Variants in NELL1 observed in about 807,000 individuals in gnomAD.
NELL1 encodes protein kinase C-binding protein NELL1.
Under a neutral mutation model 107.4 loss-of-function variants are expected in NELL1, and 76 were observed. The observed-to-expected ratio is 0.71, with a 90% CI of 0.59 to 0.86. The LOEUF is 0.86. Ranked by LOEUF, NELL1 falls within the 40% of genes least tolerant of loss-of-function variation. NELL1 has a pLI of 0.00. For synonymous variants in NELL1, 353 were observed against 341.2 expected (o/e 1.03, Z -0.38); for missense variants, 1,024 against 1,005.5 (o/e 1.02, Z -0.25).
At chr11:21,212,241 C>A (rs1857513384) in intron 13 of NELL1, among the ~76,000 whole-genome samples, 1 of 152,018 alleles carries the variant, frequency 6.6e-6, no homozygotes, top group African/African-American at 2.4e-5. Flanking sequence ...ATAGGGATGA[C>A]AATAATACTT....
chr11:21,516,723 TCACA>T (rs922358009), intron 15 of NELL1, among the ~76,000 whole-genome samples: 3 of 145,952 alleles, frequency 2.1e-5, no homozygotes, highest in East Asian at 2.0e-4. Context: ...GGTCTGTCAA[TCACA>T]CACACACACA....
At position 21,248,617 on chromosome 11, in the gene NELL1, A is replaced by ACAGCT. The variant is rs144883654; in HGVS notation, c.1549+19166_1549+19170dup. ...GAAAGTAGGTGGTGAGGAAACAAGG[A>ACAGCT]CAGCTCAAGTGGAGAATAGGACATC... is the stretch of plus-strand genomic sequence containing the variant. On this transcript the variant is annotated intron_variant, in intron 14 of 19. Transcript: ENST00000357134. Among the ~76,000 whole-genome samples the ACAGCT allele has an allele frequency of 5.7e-3, 866 of 152,230 alleles. 13 individuals are homozygous for ACAGCT. The highest frequency in any genetic ancestry group is 0.019 in the African/African-American group (799 of 41,528).
At chr11:21,373,959 C>T (rs1184230849) in intron 15 of NELL1, among the ~76,000 whole-genome samples, 1 of 152,036 alleles carries the variant, frequency 6.6e-6, no homozygotes. Flanking sequence ...GCTCTCTTCT[C>T]AACCTGGCTA....
chr11:21,098,333 C>T (rs1295664250), intron 12 of NELL1, among the ~76,000 whole-genome samples: 3 of 152,184 alleles, frequency 2.0e-5, no homozygotes, highest in South Asian at 2.1e-4. Flanking sequence ...ATGCATATTT[C>T]GTACATGTCA....
At chr11:20,892,454 G>T (rs1849636282) in intron 5 of NELL1, among the ~76,000 whole-genome samples, 1 of 152,206 alleles carries the variant, frequency 6.6e-6, no homozygotes, top group Non-Finnish European at 1.5e-5. Context: ...TGAGGCTGTG[G>T]AGAAATAGGA....
intron 17 of NELL1, among the ~76,000 whole-genome samples, chr11:21,565,433 A>G (rs969585298): frequency 4.5e-4 from 68 of 151,898 alleles, no homozygotes; most frequent in African/African-American, 1.5e-3. Flanking sequence ...GCTTTGCACC[A>G]GAATCACCTG....
chr11:21,510,962 C>A (rs1437782722), intron 15 of NELL1, among the ~76,000 whole-genome samples: 1 of 152,138 alleles, frequency 6.6e-6, no homozygotes, highest in Non-Finnish European at 1.5e-5. Flanking sequence ...ATGTTAAAAT[C>A]TCAGCTCCTT....
At chr11:20,861,672 A>G (rs977679073) in intron 4 of NELL1, among the ~76,000 whole-genome samples, 5 of 152,246 alleles carry the variant, frequency 3.3e-5, no homozygotes, top group African/African-American at 1.2e-4. Context: ...GAGCAGGGTC[A>G]TAATGCTAAA....
chr11:20,739,824 G>C (rs949228605), intron 2 of NELL1, among the ~76,000 whole-genome samples: 1 of 152,152 alleles, frequency 6.6e-6, no homozygotes, highest in African/African-American at 2.4e-5. Flanking sequence ...TAGTGAAATG[G>C]CCTAGAAAAC....
chr11:21,455,340 T>TGA (rs1423195382), intron 15 of NELL1, among the ~76,000 whole-genome samples: 1 of 123,246 alleles, frequency 8.1e-6, no homozygotes, highest in Non-Finnish European at 1.7e-5. Context: ...TTTTTTTTAA[T>TGA]GAGAGAGAGA....
intron 14 of NELL1, among the ~76,000 whole-genome samples, chr11:21,287,042 T>C (rs1308849463): frequency 7.9e-5 from 12 of 152,236 alleles, no homozygotes; most frequent in Non-Finnish European, 1.3e-4. Flanking sequence ...TAGAAATTAT[T>C]ATATTCCTTA....
At chr11:21,242,912 C>A (rs1273543365) in intron 14 of NELL1, among the ~76,000 whole-genome samples, 1 of 152,122 alleles carries the variant, frequency 6.6e-6, no homozygotes, top group Admixed American at 6.6e-5. Flanking sequence ...TAACACTCCA[C>A]CTGAGCTCTG....
intron 16 of NELL1, among the ~76,000 whole-genome samples, chr11:21,540,822 G>A (rs1856274129): frequency 6.6e-6 from 1 of 152,016 alleles, no homozygotes; most frequent in African/African-American, 2.4e-5. Context: ...TTTGGGTGGA[G>A]ACACAAATCC....
intron 2 of NELL1, among the ~76,000 whole-genome samples, chr11:20,737,287 A>G (rs980607733): frequency 6.6e-6 from 1 of 152,110 alleles, no homozygotes; most frequent in Admixed American, 6.6e-5. Flanking sequence ...AAAATTTGGA[A>G]CAGGGGTACA....
At chr11:20,943,339 C>G (rs1850896060) in intron 10 of NELL1, among the ~76,000 whole-genome samples, 1 of 151,956 alleles carries the variant, frequency 6.6e-6, no homozygotes, top group Non-Finnish European at 1.5e-5. Context: ...CGGGTCAGCA[C>G]TTTGGGAGGC....
At chr11:21,527,666 C>T (rs1248767304) in intron 15 of NELL1, among the ~76,000 whole-genome samples, 1 of 152,202 alleles carries the variant, frequency 6.6e-6, no homozygotes, top group East Asian at 1.9e-4. Flanking sequence ...AGTCTCAAAA[C>T]CTCAAAAGTA....
At chr11:21,490,528 CA>C (rs952165478) in intron 15 of NELL1, among the ~76,000 whole-genome samples, 1 of 146,914 alleles carries the variant, frequency 6.8e-6, no homozygotes, top group African/African-American at 2.5e-5. Flanking sequence ...CTAGAAGCAT[CA>C]CACTACCTAA....
intron 1 of NELL1, among the ~76,000 whole-genome samples, chr11:20,674,834 C>A (rs1423396434): frequency 1.3e-5 from 2 of 152,152 alleles, no homozygotes; most frequent in African/African-American, 2.4e-5. Flanking sequence ...AATTGCAGGG[C>A]TCTTAGTCTG....
In NELL1 at chr11:21,553,001, C is replaced by G. The variant is rs191859006; in HGVS notation, c.1787-7188C>G. ...GGAATTCTTAGCTCCTGTAATCTGA[C>G]CCTCCTTTGTTTACATTAAAACCTG... is the stretch of plus-strand genomic sequence containing the variant. On this transcript the variant is annotated intron_variant, in intron 16 of 19. Transcript: ENST00000357134. 2.6e-4 allele frequency among the ~76,000 whole-genome samples: 40 copies of G among 151,946 alleles called. No homozygotes were observed. The East Asian group carries it at 7.2e-3, about 27-fold the overall frequency.
Sources: gnomAD v4.1 joint callset for allele counts (sites outside exome capture counted in the v4.1 genomes callset) on GRCh38, gnomAD v4.1.1 for gene constraint, MANE v1.5 for transcripts, NCBI Gene and HGNC (gene_info 2026-07-23, HGNC 2026-07-21) for gene names.